The following ADAMTSL3 variants were observed in gnomAD, a reference collection of about 807,000 sequenced individuals.
The protein encoded by ADAMTSL3 is ADAMTS like 3.
ADAMTSL3 carries 128 observed loss-of-function variants against 201.7 expected under a neutral mutation model. That is an observed-to-expected ratio of 0.63 (90% CI 0.55 to 0.73). The LOEUF (loss-of-function observed/expected upper bound fraction) is 0.73. ADAMTSL3 is among the 30% of genes least tolerant of loss of function. The pLI, the probability that ADAMTSL3 is intolerant of heterozygous loss-of-function variation, is 0.00. For missense variants in ADAMTSL3, 1,990 were observed against 2,119.6 expected, an observed-to-expected ratio of 0.94 and a Z score of 1.20; for synonymous variants, 738 against 748.4, an observed-to-expected ratio of 0.99 and a Z score of 0.23.
At chr15:84,025,567 GTA>G in intron 27 of ADAMTSL3, 131 bp downstream of exon 27, 1 of 833,052 alleles carries the variant, frequency 1.2e-6, no homozygotes, top group South Asian at 1.8e-5. Flanking sequence ...TGAAATGAAT[GTA>G]TGTCTTTGAC....
chr15:83,676,608 G>A (rs2061409016), intron 2 of ADAMTSL3, among the ~76,000 whole-genome samples: 1 of 152,196 alleles, frequency 6.6e-6, no homozygotes, highest in Non-Finnish European at 1.5e-5. Flanking sequence ...AACCCGGGAA[G>A]GGGAGCTTGC....
At chr15:83,940,325 G>GT (rs1296759229) in intron 17 of ADAMTSL3, among the ~76,000 whole-genome samples, 2 of 152,178 alleles carry the variant, frequency 1.3e-5, no homozygotes, top group Non-Finnish European at 2.9e-5. Context: ...ACAAAATACC[G>GT]TAAGGGTGGC....
In ADAMTSL3 at chr15:83,870,787, A is replaced by G. The variant is rs775819683; in HGVS notation, c.803-15A>G. On this transcript the variant is annotated splice_polypyrimidine_tract_variant and intron_variant, in intron 8 of 29. Transcript: ENST00000286744. ...TAAGATTGTTTCTTATTTGAATCAT[A>G]TATTTTAATTTTAGTTATTGAATCA... is the stretch of plus-strand genomic sequence containing the variant. 1.2e-5 allele frequency: 19 copies of G among 1,550,830 alleles called. No individual in the cohort carries two copies. The highest frequency in any genetic ancestry group is 6.8e-5 in the East Asian group (3 of 44,086).
rs888025123 is a variant in ADAMTSL3 at position 83,819,751 on chromosome 15, A to G, written c.364-60A>G. 7.3e-6 allele frequency: 10 copies of G among 1,369,798 alleles called. No individual in the cohort carries two copies. In the Admixed American group the frequency reaches 1.4e-4, roughly 19 times the overall value. 84.9% of individuals were successfully genotyped at this position (1,369,798 alleles called of 1,614,324 possible). A position where few individuals can be genotyped will look rare whatever the true frequency, so the allele number is the denominator to read the frequency against. ...CATGAGATTCTGGTGAACTTATTTC[A>G]TCTTCTCTTGGCCTCTCTCACTGGG... On this transcript the variant is annotated intron_variant, in intron 5 of 29. Transcript: ENST00000286744.
intron 19 of ADAMTSL3, among the ~76,000 whole-genome samples, chr15:83,958,515 A>G (rs1177932928): frequency 1.3e-5 from 2 of 152,174 alleles, no homozygotes; most frequent in Non-Finnish European, 2.9e-5. Flanking sequence ...TTAACAGTGA[A>G]GATAACTATC....
At chr15:83,730,619 A>G (rs930957983) in intron 3 of ADAMTSL3, among the ~76,000 whole-genome samples, 3 of 121,072 alleles carry the variant, frequency 2.5e-5, no homozygotes, top group South Asian at 3.6e-4. Context: ...ATTTAGAATC[A>G]TAATTTTTTT....
At chr15:83,899,820 A>G in intron 15 of ADAMTSL3, 89 bp downstream of exon 15, 1 of 1,470,404 alleles carries the variant, frequency 6.8e-7, no homozygotes, top group South Asian at 1.3e-5. Flanking sequence ...GTACAGTGAT[A>G]CATTTAATAT....
chr15:83,827,400 T>G (rs1336998343), intron 6 of ADAMTSL3, among the ~76,000 whole-genome samples: 1 of 152,248 alleles, frequency 6.6e-6, no homozygotes, highest in Non-Finnish European at 1.5e-5. Context: ...CTTTGTAGAT[T>G]CTGGATATTA....
intron 2 of ADAMTSL3, among the ~76,000 whole-genome samples, chr15:83,675,055 A>G (rs1286825290): frequency 1.3e-5 from 2 of 151,880 alleles, no homozygotes; most frequent in East Asian, 3.9e-4. Flanking sequence ...TTGGTTGCTA[A>G]TACACAGAAA....
intron 4 of ADAMTSL3, among the ~76,000 whole-genome samples, chr15:83,796,101 T>C (rs549677430): frequency 2.6e-4 from 40 of 152,314 alleles, no homozygotes; most frequent in African/African-American, 9.6e-4. Flanking sequence ...ATAATCTTGA[T>C]AGTAAAAATG....
At chr15:83,792,980 C>T (rs1161335936) in intron 4 of ADAMTSL3, among the ~76,000 whole-genome samples, 3 of 152,060 alleles carry the variant, frequency 2.0e-5, no homozygotes, top group African/African-American at 7.2e-5. Context: ...GGTATATATA[C>T]ACAATATAAT....
intron 2 of ADAMTSL3, among the ~76,000 whole-genome samples, chr15:83,698,740 C>T (rs946387180): frequency 1.3e-5 from 2 of 152,154 alleles, no homozygotes; most frequent in Non-Finnish European, 2.9e-5. Flanking sequence ...AGCCATTTCT[C>T]CTAAGGGAAG....
chr15:83,806,469 G>T (rs377640020), intron 5 of ADAMTSL3, among the ~76,000 whole-genome samples: 2 of 152,254 alleles, frequency 1.3e-5, no homozygotes, highest in East Asian at 3.9e-4. Flanking sequence ...TGACACCCTA[G>T]GACACATCTT....
chr15:83,807,952 T>C (rs1006112213), intron 5 of ADAMTSL3, among the ~76,000 whole-genome samples: 5 of 152,198 alleles, frequency 3.3e-5, no homozygotes, highest in Non-Finnish European at 7.4e-5. Flanking sequence ...AGAATAAAAC[T>C]GGACCCCTAT....
intron 3 of ADAMTSL3, among the ~76,000 whole-genome samples, chr15:83,741,767 C>T (rs763267047): frequency 7.4e-4 from 113 of 152,126 alleles, no homozygotes; most frequent in Admixed American, 3.9e-4. Flanking sequence ...GAGGCTGAAG[C>T]GAGAGGATCA....
chr15:83,671,782 C>T (rs1410387083), intron 2 of ADAMTSL3, among the ~76,000 whole-genome samples: 1 of 152,300 alleles, frequency 6.6e-6, no homozygotes, highest in East Asian at 1.9e-4. Flanking sequence ...TTTCTTGTCT[C>T]CTATTGATCT....
chr15:83,986,439 C>A (rs1229189565), intron 21 of ADAMTSL3, among the ~76,000 whole-genome samples: 1 of 152,130 alleles, frequency 6.6e-6, no homozygotes, highest in Non-Finnish European at 1.5e-5. Flanking sequence ...CATGGTACAT[C>A]CTCCTTAGAT....
intron 2 of ADAMTSL3, among the ~76,000 whole-genome samples, chr15:83,677,325 C>T (rs1290626265): frequency 6.6e-6 from 1 of 152,096 alleles, no homozygotes; most frequent in Admixed American, 6.6e-5. Context: ...CTTCTATAAT[C>T]TTGCTGATTT....
At chr15:83,744,325 T>C (rs1456777004) in intron 3 of ADAMTSL3, among the ~76,000 whole-genome samples, 1 of 152,196 alleles carries the variant, frequency 6.6e-6, no homozygotes, top group African/African-American at 2.4e-5. Context: ...TTTTCTAATT[T>C]ACATACTTCA....
Sources: gnomAD v4.1 joint callset for allele counts (sites outside exome capture counted in the v4.1 genomes callset) on GRCh38, gnomAD v4.1.1 for gene constraint, MANE v1.5 for transcripts, NCBI Gene and HGNC (gene_info 2026-07-23, HGNC 2026-07-21) for gene names.